Variants in STK17B observed in about 807,000 individuals in gnomAD.
STK17B encodes serine/threonine kinase 17b.
Under a neutral mutation model 42.0 loss-of-function variants are expected in STK17B, and 21 were observed. That is an observed-to-expected ratio of 0.50 (90% CI 0.35 to 0.72). The LOEUF (loss-of-function observed/expected upper bound fraction) is 0.72. STK17B is among the 30% of genes least tolerant of loss of function. STK17B has a pLI of 0.00. For missense variants in STK17B, 349 were observed against 446.0 expected (o/e 0.78, Z 1.96); for synonymous variants, 143 against 148.4 (o/e 0.96, Z 0.26).
chr2:196,156,698 A>G, intron 2 of STK17B, 47 bp from the exon 3 acceptor site: 1 of 1,449,732 alleles, frequency 6.9e-7, no homozygotes, highest in East Asian at 2.3e-5. Context: ...TGCAGAGAAC[A>G]ACGTTAGTAT....
At chr2:196,164,900 C>G (rs1342253147) in intron 1 of STK17B, among the ~76,000 whole-genome samples, 1 of 152,186 alleles carries the variant, frequency 6.6e-6, no homozygotes, top group African/African-American at 2.4e-5. Flanking sequence ...ACAGCTCTAA[C>G]TAGTTTTGGG....
At chr2:196,149,437 T>C (rs1180259281) in intron 3 of STK17B, among the ~76,000 whole-genome samples, 4 of 152,140 alleles carry the variant, frequency 2.6e-5, no homozygotes, top group African/African-American at 7.2e-5. Context: ...GTGCTGTGAT[T>C]ACAGGCATGA....
At chr2:196,173,524 A>C (rs1699971724), upstream of STK17B, among the ~76,000 whole-genome samples, 1 of 152,242 alleles carries the variant, frequency 6.6e-6, no homozygotes, top group South Asian at 2.1e-4. Context: ...GGTCTCAGGC[A>C]CTGTGGTTCA....
intron 1 of STK17B, 94 bp downstream of exon 1, chr2:196,171,239 C>G (rs914785568): frequency 6.6e-6 from 1 of 152,290 alleles, no homozygotes; most frequent in African/African-American, 2.4e-5. Context: ...AAACCCTCCT[C>G]GGGTCCTCCT....
chr2:196,149,317 C>T (rs1361685547), intron 3 of STK17B, among the ~76,000 whole-genome samples: 1 of 152,086 alleles, frequency 6.6e-6, no homozygotes, highest in Non-Finnish European at 1.5e-5. Flanking sequence ...GCGCGTGGCA[C>T]CACACCCGGC....
At position 196,156,614 on chromosome 2, in the gene STK17B, A is replaced by G; in HGVS notation, c.160T>C (p.Ser54Pro). Residue 54 changes from serine to proline, a missense_variant, in exon 3 of 8, where the codon TCT becomes CCT. By Grantham distance (74) the Ser-to-Pro change is moderately conservative. Coordinates refer to ENST00000263955, the MANE Select transcript of STK17B (RefSeq NM_004226.4). ...FAVVRQCISK[S>P]TGQEYAAKFL... The stretch of plus-strand genomic sequence containing the variant: ...TTTGCAGCATATTCTTGGCCAGTAG[A>G]TTTTGATATACATTGTCTAACCACA... 1 of 1,613,948 alleles carries G rather than the reference A, an allele frequency of 6.2e-7. No individual in the cohort carries two copies. Among genetic ancestry groups the G allele is most frequent in the Admixed American group, 1.7e-5 (1 of 60,002 alleles).
At chr2:196,168,709 AT>A (rs1699899634) in intron 1 of STK17B, among the ~76,000 whole-genome samples, 1 of 152,218 alleles carries the variant, frequency 6.6e-6, no homozygotes, top group Admixed American at 6.5e-5. Flanking sequence ...AAAAAGGATA[AT>A]AAAAAACTTA....
intron 3 of STK17B, chr2:196,153,262 A>AAAAAAAAAAAG (rs1699691889): frequency 6.6e-6 from 1 of 151,714 alleles, no homozygotes; most frequent in Non-Finnish European, 1.5e-5. Context: ...GTCCAAAAAA[A>AAAAAAAAAAAG]AAAAACAGTT....
At chr2:196,157,271 ATAAAT>A (rs1358227094) in intron 2 of STK17B, among the ~76,000 whole-genome samples, 1 of 152,208 alleles carries the variant, frequency 6.6e-6, no homozygotes, top group African/African-American at 2.4e-5. Context: ...ATCCTATATA[ATAAAT>A]GCTCTCCTGT....
intron 3 of STK17B, among the ~76,000 whole-genome samples, chr2:196,150,190 AAAAAAAAAAAAAAGAC>A (rs1311901367): frequency 6.6e-6 from 1 of 151,258 alleles, no homozygotes; most frequent in Non-Finnish European, 1.5e-5. Context: ...AAAAAAAAAA[AAAAAAAAAAAAAAGAC>A]AAAAAAGAAA....
At chr2:196,172,193 C>T (rs2280347), upstream of STK17B, among the ~76,000 whole-genome samples, 39,022 of 152,068 alleles carry the variant, frequency 0.26, 5,342 homozygotes, top group Middle Eastern at 0.38. Flanking sequence ...TTCTGAGGCA[C>T]TGACTGAAGG....
upstream of STK17B, among the ~76,000 whole-genome samples, chr2:196,175,583 G>A (rs1699990064): frequency 6.6e-6 from 1 of 152,192 alleles, no homozygotes; most frequent in Non-Finnish European, 1.5e-5. Context: ...CCGAGATTGT[G>A]TACCACTGCA....
intron 2 of STK17B, among the ~76,000 whole-genome samples, chr2:196,158,426 C>A (rs1174657553): frequency 1.3e-5 from 2 of 152,142 alleles, no homozygotes; most frequent in African/African-American, 4.8e-5. Flanking sequence ...AAACCTGATT[C>A]TTTGAAAGCA....
intron 6 of STK17B, among the ~76,000 whole-genome samples, chr2:196,141,026 CAG>C (rs1341585753): frequency 2.6e-5 from 4 of 152,160 alleles, no homozygotes; most frequent in Non-Finnish European, 5.9e-5. Flanking sequence ...GTTTTCATCA[CAG>C]AGAGAGATTT....
At chr2:196,144,486 C>CAAAAAA (rs869118381) in intron 4 of STK17B, among the ~76,000 whole-genome samples, 5 of 55,958 alleles carry the variant, frequency 8.9e-5, no homozygotes, top group Non-Finnish European at 1.3e-4. Context: ...GACTCTGTCT[C>CAAAAAA]AAAAAAAAAA....
chr2:196,154,828 G>A (rs1699717597), intron 3 of STK17B: 1 of 152,186 alleles, frequency 6.6e-6, no homozygotes, highest in South Asian at 2.1e-4. Flanking sequence ...CGAAGTTCTA[G>A]CAATAAATTT....
intron 3 of STK17B, chr2:196,152,938 A>G (rs1016224453): frequency 1.3e-5 from 2 of 151,960 alleles, no homozygotes; most frequent in African/African-American, 4.8e-5. Flanking sequence ...TAAAAAAACA[A>G]TTATTTATTT....
intron 1 of STK17B, among the ~76,000 whole-genome samples, chr2:196,170,047 A>G (rs531208301): frequency 6.8e-4 from 104 of 152,334 alleles, no homozygotes; most frequent in African/African-American, 2.4e-3. Context: ...CACCGCTTCT[A>G]TGGACCAGTT....
At chr2:196,165,560 A>T (rs541079811) in intron 1 of STK17B, 2 of 152,304 alleles carry the variant, frequency 1.3e-5, no homozygotes, top group South Asian at 4.1e-4. Context: ...GGGACGGTTT[A>T]TCACTACTTT....
Sources: gnomAD v4.1 joint callset for allele counts (sites outside exome capture counted in the v4.1 genomes callset) on GRCh38, gnomAD v4.1.1 for gene constraint, MANE v1.5 for transcripts, NCBI Gene and HGNC (gene_info 2026-07-23, HGNC 2026-07-21) for gene names.